Variants in RTKN2 observed in about 807,000 individuals in gnomAD.
RTKN2 encodes rhotekin 2.
A neutral mutation model predicts 71.5 loss-of-function variants in RTKN2; 69 were observed. That is an observed-to-expected ratio of 0.96 (90% CI 0.79 to 1.18). RTKN2 has a LOEUF of 1.18. Ranked by LOEUF, RTKN2 falls within the 50% of genes most tolerant of loss-of-function variation. RTKN2 has a pLI of 0.00. For missense variants in RTKN2, 724 were observed against 719.7 expected, an observed-to-expected ratio of 1.01 and a Z score of -0.07; for synonymous variants, 236 against 236.5, an observed-to-expected ratio of 1.00 and a Z score of 0.02.
chr10:62,209,297 G>A (rs964912886), intron 9 of RTKN2, among the ~76,000 whole-genome samples: 2 of 151,744 alleles, frequency 1.3e-5, no homozygotes, highest in Non-Finnish European at 2.9e-5. Flanking sequence ...AAGAAAAATG[G>A]CAACCCAGGT....
chr10:62,191,039 T>A (rs1226547702), downstream of RTKN2, among the ~76,000 whole-genome samples: 1 of 152,170 alleles, frequency 6.6e-6, no homozygotes, highest in African/African-American at 2.4e-5. Flanking sequence ...GGATGAATTA[T>A]CTTCTATTTT....
At chr10:62,220,235 A>T (rs1841876826) in intron 7 of RTKN2, among the ~76,000 whole-genome samples, 2 of 152,236 alleles carry the variant, frequency 1.3e-5, no homozygotes, top group Non-Finnish European at 2.9e-5. Context: ...TTCTGAGACT[A>T]TTCAAATCTT....
At chr10:62,202,691 C>G (rs532863581) in intron 10 of RTKN2, among the ~76,000 whole-genome samples, 1 of 152,250 alleles carries the variant, frequency 6.6e-6, no homozygotes, top group Non-Finnish European at 1.5e-5. Context: ...GTTGACAGTA[C>G]AAAAATGTCA....
intron 9 of RTKN2, among the ~76,000 whole-genome samples, chr10:62,205,696 T>G (rs138608782): frequency 1.3e-5 from 2 of 152,198 alleles, no homozygotes; most frequent in Admixed American, 6.5e-5. Context: ...TTCACGCTGA[T>G]AGTCTAAACC....
At chr10:62,214,750 T>C (rs559333456) in intron 9 of RTKN2, among the ~76,000 whole-genome samples, 2 of 152,256 alleles carry the variant, frequency 1.3e-5, no homozygotes, top group African/African-American at 4.8e-5. Context: ...CCTCATTTTA[T>C]AGCTACTTTT....
intron 8 of RTKN2, among the ~76,000 whole-genome samples, chr10:62,187,017 T>C (rs1841147582): frequency 1.3e-5 from 2 of 152,238 alleles, no homozygotes; most frequent in Non-Finnish European, 2.9e-5. Flanking sequence ...TTCTGGGTTC[T>C]CCACCCTAAG....
chr10:62,186,030 A>G (rs1841129923), intron 8 of RTKN2, among the ~76,000 whole-genome samples: 1 of 152,242 alleles, frequency 6.6e-6, no homozygotes, highest in African/African-American at 2.4e-5. Context: ...CCAGTCGGTG[A>G]AAGTAGCAAG....
intron 6 of RTKN2, among the ~76,000 whole-genome samples, chr10:62,225,991 C>T (rs950265225): frequency 6.6e-6 from 1 of 152,060 alleles, no homozygotes; most frequent in Non-Finnish European, 1.5e-5. Context: ...CCGTGTTAGC[C>T]AGGAATGGTC....
At chr10:62,220,248 T>C (rs1841877112) in intron 7 of RTKN2, among the ~76,000 whole-genome samples, 1 of 152,220 alleles carries the variant, frequency 6.6e-6, no homozygotes, top group South Asian at 2.1e-4. Context: ...CAAATCTTTT[T>C]CATTAATACA....
intron 2 of RTKN2, among the ~76,000 whole-genome samples, chr10:62,253,106 C>T (rs1222689891): frequency 6.6e-6 from 1 of 151,894 alleles, no homozygotes; most frequent in Non-Finnish European, 1.5e-5. Context: ...AGGATGAACA[C>T]AAGAAACAAG....
chr10:62,215,092 C>T (rs1163551096), intron 9 of RTKN2: 5 of 1,484,230 alleles, frequency 3.4e-6, no homozygotes, highest in Non-Finnish European at 3.7e-6. Flanking sequence ...AAACTAATGA[C>T]TTCAAAAATA....
At chr10:62,218,853 G>A (rs1359018232) in intron 7 of RTKN2, among the ~76,000 whole-genome samples, 3 of 151,860 alleles carry the variant, frequency 2.0e-5, no homozygotes, top group African/African-American at 7.2e-5. Flanking sequence ...GGGCATGGTG[G>A]TGCATGCTTG....
chr10:62,239,750 G>A lies in RTKN2; in HGVS notation c.386C>T (p.Ala129Val). 6.3e-7 allele frequency: 1 copy of A among 1,579,772 alleles called. No individual in the cohort carries two copies. The highest frequency in any genetic ancestry group is 2.3e-5 in the East Asian group (1 of 44,002). The change falls in exon 5 of 12, where the codon GCC becomes GTC. Residue 129 changes from alanine to valine, a missense_variant. Physicochemically the swap from Ala to Val is moderately conservative, Grantham distance 64. Transcript: ENST00000373789. ...FSNKERSRRY[A>V]IFCLFKMGAN... ...TCCCATTTTGAATAAACAAAAAATGGCATAGCGTCGTGATCCTGGAGGAAA... is the reference window on the plus strand; with the variant it reads ...TCCCATTTTGAATAAACAAAAAATGACATAGCGTCGTGATCCTGGAGGAAA...
At chr10:62,189,693 G>A (rs1841189609), downstream of RTKN2, among the ~76,000 whole-genome samples, 1 of 152,170 alleles carries the variant, frequency 6.6e-6, no homozygotes, top group Non-Finnish European at 1.5e-5. Context: ...GGGCATGGAG[G>A]CACATGCCTG....
chr10:62,241,392 T>C (rs538284065), intron 3 of RTKN2, among the ~76,000 whole-genome samples, 197 bp from the exon 4 acceptor site: 2 of 152,316 alleles, frequency 1.3e-5, no homozygotes, highest in East Asian at 1.9e-4. Context: ...TTTTGTGAGG[T>C]AAAAATATAT....
chr10:62,256,900 G>A (rs1457605366), intron 2 of RTKN2, among the ~76,000 whole-genome samples: 2 of 151,840 alleles, frequency 1.3e-5, no homozygotes, highest in Non-Finnish European at 2.9e-5. Flanking sequence ...GGAACATGAT[G>A]AACAGACACT....
intron 2 of RTKN2, among the ~76,000 whole-genome samples, chr10:62,258,717 T>C (rs982144752): frequency 8.5e-5 from 13 of 152,178 alleles, no homozygotes; most frequent in African/African-American, 1.9e-4. Flanking sequence ...AATGTTTTTA[T>C]ATGAATGATG....
intron 2 of RTKN2, among the ~76,000 whole-genome samples, chr10:62,254,321 G>A (rs1002470562): frequency 3.3e-5 from 5 of 151,986 alleles, no homozygotes; most frequent in Non-Finnish European, 5.9e-5. Flanking sequence ...TTCCCCATTA[G>A]TTCGCTCGCT....
At chr10:62,240,126 C>T (rs1406466683) in intron 4 of RTKN2, among the ~76,000 whole-genome samples, 1 of 152,018 alleles carries the variant, frequency 6.6e-6, no homozygotes, top group Non-Finnish European at 1.5e-5. Flanking sequence ...ACTACTACTA[C>T]CGCTGTCATT....
Sources: gnomAD v4.1 joint callset for allele counts (sites outside exome capture counted in the v4.1 genomes callset) on GRCh38, gnomAD v4.1.1 for gene constraint, MANE v1.5 for transcripts, NCBI Gene and HGNC (gene_info 2026-07-23, HGNC 2026-07-21) for gene names.